Variants in THEMIS observed in about 807,000 individuals in gnomAD.
The protein encoded by THEMIS is protein THEMIS.
In THEMIS, 37 loss-of-function variants were observed where a neutral mutation model predicts 52.6. The ratio of observed to expected loss-of-function variants is 0.70; its 90% CI spans 0.54 to 0.93. The LOEUF (loss-of-function observed/expected upper bound fraction) is 0.93, where lower values mean the gene tolerates loss of function less well. Among genes scored for constraint, THEMIS ranks in the 40% least tolerant of loss-of-function variants. The probability of loss-of-function intolerance (pLI) is 0.00; values close to 1 mark genes in which losing one functional copy is unlikely to be tolerated. For synonymous variants in THEMIS, 292 were observed against 272.7 expected, an observed-to-expected ratio of 1.07 and a Z score of -0.70; for missense variants, 808 against 763.1, an observed-to-expected ratio of 1.06 and a Z score of -0.69.
At chr6:127,751,810 A>G (rs1775653350) in intron 4 of THEMIS, among the ~76,000 whole-genome samples, 1 of 151,708 alleles carries the variant, frequency 6.6e-6, no homozygotes, top group Non-Finnish European at 1.5e-5. Flanking sequence ...AAAATCAGTA[A>G]GAGAATAGTG....
chr6:127,873,254 C>A (rs1048974025), intron 1 of THEMIS, among the ~76,000 whole-genome samples: 1 of 152,268 alleles, frequency 6.6e-6, no homozygotes, highest in African/African-American at 2.4e-5. Context: ...TTCTTATCAA[C>A]ATTTTTGTAA....
rs146421186 is a variant in THEMIS at position 127,715,523 on chromosome 6, C to T, written c.1894+4165G>A. 9.9e-4 allele frequency among the ~76,000 whole-genome samples: 150 copies of T among 152,014 alleles called. 3 individuals carry two copies. Among genetic ancestry groups the T allele is most frequent in the East Asian group, 4.7e-3 (24 of 5,142 alleles). On this transcript the variant is annotated intron_variant, in intron 5 of 5. Transcript: ENST00000368248. ...AAGGTCTTTAATATAGAACCTCTGA[C>T]TTGTCTAATCCTCAAAATGGTCCTG...
chr6:127,768,706 G>T (rs1251928617), intron 4 of THEMIS, among the ~76,000 whole-genome samples: 8 of 152,146 alleles, frequency 5.3e-5, no homozygotes, highest in Non-Finnish European at 1.2e-4. Flanking sequence ...TTTAGATCAG[G>T]TATTTAATAT....
chr6:127,787,809 A>AGATG (rs1373546789), intron 4 of THEMIS, among the ~76,000 whole-genome samples: 1 of 144,192 alleles, frequency 6.9e-6, no homozygotes, highest in Admixed American at 7.0e-5. Context: ...ATAGGTAGAT[A>AGATG]GATAGATAGA....
At chr6:127,780,533 C>G (rs1776708052) in intron 4 of THEMIS, among the ~76,000 whole-genome samples, 1 of 152,128 alleles carries the variant, frequency 6.6e-6, no homozygotes, top group South Asian at 2.1e-4. Context: ...GTGGCTGGTA[C>G]CAGTTTTTCC....
At chr6:127,746,527 A>T (rs1775395049) in intron 4 of THEMIS, among the ~76,000 whole-genome samples, 1 of 149,982 alleles carries the variant, frequency 6.7e-6, no homozygotes, top group Admixed American at 6.8e-5. Flanking sequence ...TGGTAATATG[A>T]TCTAGTTATT....
chr6:127,892,411 T>A (rs765266572), intron 1 of THEMIS, among the ~76,000 whole-genome samples: 1 of 152,198 alleles, frequency 6.6e-6, no homozygotes, highest in Non-Finnish European at 1.5e-5. Flanking sequence ...CTTGCTTTAC[T>A]CTCCAGTCAG....
chr6:127,713,053 G>T (rs1774036403), intron 5 of THEMIS, among the ~76,000 whole-genome samples: 1 of 151,848 alleles, frequency 6.6e-6, no homozygotes, highest in African/African-American at 2.4e-5. Context: ...ACTCAAACCT[G>T]CCATGAACCA....
At chr6:127,875,409 TGCAGAAA>T (rs1724825993) in intron 1 of THEMIS, among the ~76,000 whole-genome samples, 1 of 152,172 alleles carries the variant, frequency 6.6e-6, no homozygotes, top group Non-Finnish European at 1.5e-5. Flanking sequence ...ACCCCCAAAC[TGCAGAAA>T]GCCATTAGGG....
chr6:127,769,583 T>A (rs1776310359), intron 4 of THEMIS, among the ~76,000 whole-genome samples: 1 of 152,168 alleles, frequency 6.6e-6, no homozygotes, highest in African/African-American at 2.4e-5. Flanking sequence ...AAAGTTTTAT[T>A]TCTGCTCCAT....
chr6:127,751,106 C>G (rs1305830178), intron 4 of THEMIS, among the ~76,000 whole-genome samples: 1 of 151,572 alleles, frequency 6.6e-6, no homozygotes, highest in East Asian at 1.9e-4. Context: ...TAACTTTTAA[C>G]TCTTGTATAA....
intron 1 of THEMIS, among the ~76,000 whole-genome samples, chr6:127,887,630 T>C (rs1489158412): frequency 6.6e-6 from 1 of 152,124 alleles, no homozygotes; most frequent in Non-Finnish European, 1.5e-5. Flanking sequence ...TGACTTACTT[T>C]ATATGAAATG....
intron 4 of THEMIS, among the ~76,000 whole-genome samples, chr6:127,731,258 A>G (rs1774782431): frequency 1.3e-5 from 2 of 152,218 alleles, no homozygotes; most frequent in African/African-American, 4.8e-5. Flanking sequence ...ACTTATCCAT[A>G]AAGAAATGCT....
chr6:127,840,317 G>A (rs1185344121), intron 2 of THEMIS, among the ~76,000 whole-genome samples: 1 of 152,036 alleles, frequency 6.6e-6, no homozygotes, highest in African/African-American at 2.4e-5. Flanking sequence ...GCATGTGAGG[G>A]ACTATTACCT....
At chr6:127,889,778 G>C (rs1157415417) in intron 1 of THEMIS, among the ~76,000 whole-genome samples, 1 of 152,082 alleles carries the variant, frequency 6.6e-6, no homozygotes, top group Non-Finnish European at 1.5e-5. Flanking sequence ...TAAAGGAATT[G>C]TTTTAATTCA....
chr6:127,887,802 C>T (rs1324693871), intron 1 of THEMIS, among the ~76,000 whole-genome samples: 1 of 152,004 alleles, frequency 6.6e-6, no homozygotes, highest in Non-Finnish European at 1.5e-5. Flanking sequence ...TTACTTAAAA[C>T]CATTCAGTTG....
intron 1 of THEMIS, among the ~76,000 whole-genome samples, chr6:127,911,653 T>C (rs927403358): frequency 7.3e-5 from 11 of 151,548 alleles, no homozygotes; most frequent in Non-Finnish European, 1.0e-4. Context: ...TGGTTCATTC[T>C]AGCCTTCCTC....
At chr6:127,703,204 C>T (rs190524049), downstream of THEMIS, among the ~76,000 whole-genome samples, 1,413 of 151,338 alleles carry the variant, frequency 9.3e-3, 28 homozygotes, top group African/African-American at 0.032. Context: ...CCCGCCACTA[C>T]GCCCGGCTAA....
At chr6:127,831,478 T>C (rs1778696680) in intron 2 of THEMIS, among the ~76,000 whole-genome samples, 1 of 152,110 alleles carries the variant, frequency 6.6e-6, no homozygotes, top group African/African-American at 2.4e-5. Context: ...CTTAGTAAAA[T>C]TATATAGCTT....
Sources: gnomAD v4.1 joint callset for allele counts (sites outside exome capture counted in the v4.1 genomes callset) on GRCh38, gnomAD v4.1.1 for gene constraint, MANE v1.5 for transcripts, NCBI Gene and HGNC (gene_info 2026-07-23, HGNC 2026-07-21) for gene names.